The following ATXN3 variants were observed in gnomAD, a reference collection of about 807,000 sequenced individuals.
The protein encoded by ATXN3 is ataxin-3.
ATXN3 carries 28 observed loss-of-function variants against 58.2 expected under a neutral mutation model. The ratio of observed to expected loss-of-function variants is 0.48; its 90% CI spans 0.36 to 0.66. ATXN3 has a LOEUF of 0.66. Among genes scored for constraint, ATXN3 ranks in the 30% least tolerant of loss-of-function variants. ATXN3 has a pLI of 0.00. For synonymous variants in ATXN3, 113 were observed against 138.5 expected, an observed-to-expected ratio of 0.82 and a Z score of 1.29; for missense variants, 321 against 422.1, an observed-to-expected ratio of 0.76 and a Z score of 2.10.
intron 9 of ATXN3, among the ~76,000 whole-genome samples, chr14:92,074,308 C>T (rs1012354499): frequency 1.3e-4 from 20 of 152,100 alleles, no homozygotes; most frequent in Non-Finnish European, 1.5e-4. Flanking sequence ...GCCTGGGCGA[C>T]AGACAAGACT....
At chr14:92,068,839 C>A (rs2058903372) in intron 10 of ATXN3, among the ~76,000 whole-genome samples, 1 of 152,194 alleles carries the variant, frequency 6.6e-6, no homozygotes, top group South Asian at 2.1e-4. Flanking sequence ...ATCCACCCGC[C>A]TCAGCCTCCC....
intron 9 of ATXN3, chr14:92,077,657 T>TTC (rs990751533): frequency 6.8e-6 from 1 of 147,374 alleles, no homozygotes; most frequent in African/African-American, 2.5e-5. Context: ...CTTTTTTTTT[T>TTC]CTTTTTGAGA....
chr14:92,094,956 G>A lies in ATXN3; in HGVS notation c.235-1125C>T, dbSNP rs56297156. Among the ~76,000 whole-genome samples the A allele has an allele frequency of 7.2e-5, 11 of 152,282 alleles. No individual in the cohort carries two copies. The East Asian group carries it at 2.1e-3, about 29-fold the overall frequency. On this transcript the variant is annotated intron_variant, in intron 3 of 10. Transcript: ENST00000644486. ...GGAAACATAAACAAAGATATCTGCAGAGATAGGTCGCTCAGGAGAGGTTCC... is the reference window on the plus strand; with the variant it reads ...GGAAACATAAACAAAGATATCTGCAAAGATAGGTCGCTCAGGAGAGGTTCC...
chr14:92,054,358 A>G (rs557719810), downstream of ATXN3, among the ~76,000 whole-genome samples: 62 of 152,342 alleles, frequency 4.1e-4, no homozygotes, highest in Non-Finnish European at 7.9e-4. Context: ...TACAGGTCAT[A>G]AAGTCCTTGC....
At position 92,062,427 on chromosome 14, in the gene ATXN3, A is replaced by T. The variant is rs2057843211; in HGVS notation, c.*1893T>A. 1 of 152,196 alleles carries T rather than the reference A, an allele frequency of 6.6e-6. No individual in the cohort carries two copies. 9.4% of individuals were successfully genotyped at this position (152,196 alleles called of 1,614,324 possible). ...TTATATTAGGTAGCTCATCAATTCAAGTGTATGAAAAGTTTAATGTAACTT... is the reference window on the plus strand; with the variant it reads ...TTATATTAGGTAGCTCATCAATTCATGTGTATGAAAAGTTTAATGTAACTT... On this transcript the variant is annotated 3_prime_UTR_variant, in exon 11 of 11. Coordinates refer to ENST00000644486, the MANE Select transcript of ATXN3 (RefSeq NM_004993.6).
At chr14:92,094,208 G>A (rs2064628484) in intron 3 of ATXN3, among the ~76,000 whole-genome samples, 1 of 151,994 alleles carries the variant, frequency 6.6e-6, no homozygotes, top group African/African-American at 2.4e-5. Context: ...CCAAAGTACT[G>A]GGATTACAGG....
At chr14:92,095,495 GC>G in intron 3 of ATXN3, among the ~76,000 whole-genome samples, 1 of 272 alleles carries the variant, frequency 3.7e-3, no homozygotes, top group Middle Eastern at 0.5. Context: ...GCCCACCTCG[GC>G]CTCCCCAAAG....
chr14:92,066,457 CTTTT>C (rs1566909913), intron 10 of ATXN3, among the ~76,000 whole-genome samples: 1 of 137,418 alleles, frequency 7.3e-6, no homozygotes, highest in African/African-American at 2.9e-5. Context: ...AAAATTACTT[CTTTT>C]ATCATTTCTT....
intron 10 of ATXN3, 150 bp downstream of exon 10, chr14:92,070,785 A>T: frequency 6.9e-7 from 1 of 1,439,694 alleles, no homozygotes; most frequent in South Asian, 1.4e-5. Context: ...TCCTTAATCC[A>T]GGGAAATTTA....
At chr14:92,085,493 A>C (rs967355206) in intron 6 of ATXN3, among the ~76,000 whole-genome samples, 1 of 149,984 alleles carries the variant, frequency 6.7e-6, no homozygotes, top group South Asian at 2.1e-4. Context: ...CCGGCCTAAG[A>C]CTTCAGATTT....
downstream of ATXN3, among the ~76,000 whole-genome samples, chr14:92,053,606 C>T (rs1353927026): frequency 2.0e-5 from 3 of 151,562 alleles, no homozygotes; most frequent in African/African-American, 7.3e-5. Flanking sequence ...AAGGTATCCT[C>T]TCACCTCAGC....
At chr14:92,048,253 T>C (rs1457210601) in intron 1 of ATXN3, among the ~76,000 whole-genome samples, 1 of 152,216 alleles carries the variant, frequency 6.6e-6, no homozygotes, top group Non-Finnish European at 1.5e-5. Context: ...GTGCTGGAGA[T>C]GTGGCTGGGG....
intron 10 of ATXN3, 174 bp downstream of exon 10, chr14:92,070,760 TC>T (rs373597908): frequency 0.026 from 30,778 of 1,166,334 alleles, 662 homozygotes; most frequent in East Asian, 0.081. Context: ...TTTTTTTTTT[TC>T]TTTTGGTAAC....
chr14:92,070,979 C>T lies in ATXN3; in HGVS notation c.947G>A (p.Cys316Tyr), dbSNP rs893621398. The change falls in exon 10 of 11, where the codon TGT becomes TAT. Residue 316 changes from cysteine to tyrosine, a missense_variant. Cys to Tyr is a radical substitution (Grantham distance 194, BLOSUM62 -2). Transcript: ENST00000644486. ...GDLSGQSSHP[C>Y]ERPATSSGAL... ...TCCTGAACTGGTGGCTGGCCTTTCA[C>T]ATGGATGTGAACTCTGTCCTGATAG... The T allele has an allele frequency of 7.3e-6, 9 of 1,236,132 alleles. No homozygotes were observed. In the Admixed American group the frequency reaches 2.2e-4, roughly 30 times the overall value. 76.6% of individuals were successfully genotyped at this position (1,236,132 alleles called of 1,614,324 possible).
chr14:92,074,178 T>A (rs2059950238), intron 9 of ATXN3, among the ~76,000 whole-genome samples: 1 of 151,084 alleles, frequency 6.6e-6, no homozygotes, highest in Admixed American at 6.6e-5. Context: ...AATAAGAAAA[T>A]TGGCTGGGCA....
intron 1 of ATXN3, among the ~76,000 whole-genome samples, chr14:92,103,668 T>C (rs1003325510): frequency 2.6e-5 from 4 of 152,212 alleles, no homozygotes; most frequent in African/African-American, 7.2e-5. Flanking sequence ...ACTTACTCTG[T>C]GCCAGGCCCT....
At chr14:92,101,740 C>T (rs1209727423) in intron 1 of ATXN3, among the ~76,000 whole-genome samples, 2 of 152,028 alleles carry the variant, frequency 1.3e-5, no homozygotes, top group Non-Finnish European at 2.9e-5. Flanking sequence ...CGCCTGTAGT[C>T]CCAGGTGCTC....
At chr14:92,102,972 G>A (rs2067188095) in intron 1 of ATXN3, among the ~76,000 whole-genome samples, 1 of 152,134 alleles carries the variant, frequency 6.6e-6, no homozygotes, top group South Asian at 2.1e-4. Flanking sequence ...CAGAGTCAAT[G>A]CTCAGCATCT....
At chr14:92,072,166 T>A (rs963979857) in intron 9 of ATXN3, among the ~76,000 whole-genome samples, 1 of 152,248 alleles carries the variant, frequency 6.6e-6, no homozygotes, top group African/African-American at 2.4e-5. Flanking sequence ...ATCCCCATTT[T>A]AAAATGTTTA....
Sources: allele counts gnomAD v4.1 joint callset (sites outside exome capture counted in the v4.1 genomes callset), GRCh38; gene constraint gnomAD v4.1.1; transcripts MANE v1.5; gene names NCBI Gene and HGNC (gene_info 2026-07-23, HGNC 2026-07-21).